Variants in CFAP299 observed in about 807,000 individuals in gnomAD.
CFAP299 encodes cilia- and flagella-associated protein 299.
CFAP299 carries 21 observed loss-of-function variants against 27.0 expected under a neutral mutation model. That is an observed-to-expected ratio of 0.78 (90% CI 0.55 to 1.12). CFAP299 has a LOEUF of 1.12. Ranked by LOEUF, CFAP299 falls within the 50% of genes most tolerant of loss-of-function variation. CFAP299 has a pLI of 0.00. For missense variants in CFAP299, 310 were observed against 276.6 expected (o/e 1.12, Z -0.86); for synonymous variants, 104 against 98.1 (o/e 1.06, Z -0.36).
At chr4:80,463,534 T>C (rs960210799) in intron 2 of CFAP299, among the ~76,000 whole-genome samples, 1 of 152,174 alleles carries the variant, frequency 6.6e-6, no homozygotes, top group Non-Finnish European at 1.5e-5. Context: ...ACAGACTTAT[T>C]TTTATACAGT....
intron 2 of CFAP299, among the ~76,000 whole-genome samples, chr4:80,460,508 G>A (rs901749034): frequency 6.6e-6 from 1 of 152,110 alleles, no homozygotes; most frequent in Non-Finnish European, 1.5e-5. Flanking sequence ...CTGAATGACA[G>A]CACCCAAAAT....
intron 3 of CFAP299, among the ~76,000 whole-genome samples, chr4:80,686,130 GAA>G (rs77144393): frequency 1.4e-5 from 2 of 147,680 alleles, no homozygotes; most frequent in African/African-American, 4.9e-5. Flanking sequence ...GAACTTTAAT[GAA>G]AAAAAAAAAT....
chr4:80,760,922 C>T (rs1440683224), intron 3 of CFAP299, among the ~76,000 whole-genome samples: 1 of 152,054 alleles, frequency 6.6e-6, no homozygotes, highest in African/African-American at 2.4e-5. Flanking sequence ...TGAAATGGCA[C>T]AGAGTGAGAG....
chr4:80,951,081 C>G (rs993502213), intron 5 of CFAP299, among the ~76,000 whole-genome samples: 3 of 152,022 alleles, frequency 2.0e-5, no homozygotes, highest in African/African-American at 7.2e-5. Flanking sequence ...TTTTAGAATT[C>G]AAAAGAAAAT....
chr4:80,439,510 C>T (rs750822957), intron 2 of CFAP299, among the ~76,000 whole-genome samples: 11 of 152,306 alleles, frequency 7.2e-5, no homozygotes, highest in African/African-American at 1.2e-4. Context: ...TGGTGCTATA[C>T]GGCCCAGATA....
At chr4:80,933,874 CAG>C (rs1397906313) in intron 4 of CFAP299, among the ~76,000 whole-genome samples, 3 of 152,070 alleles carry the variant, frequency 2.0e-5, no homozygotes, top group Non-Finnish European at 4.4e-5. Context: ...CATTTGCAAA[CAG>C]AGGCAATTTT....
chr4:80,918,219 C>T (rs948118479), intron 4 of CFAP299, among the ~76,000 whole-genome samples: 5 of 152,134 alleles, frequency 3.3e-5, no homozygotes, highest in East Asian at 1.9e-4. Flanking sequence ...GATTTCACAA[C>T]ACATCTGAAA....
chr4:80,325,592 A>C, the CFAP299 span, among the ~76,000 whole-genome samples: 1 of 152,242 alleles, frequency 6.6e-6, no homozygotes, highest in Non-Finnish European at 1.5e-5. Context: ...GACCTTTTCT[A>C]TCTCAATAAG....
chr4:80,684,897 G>A (rs1245892377), intron 3 of CFAP299, among the ~76,000 whole-genome samples: 1 of 151,844 alleles, frequency 6.6e-6, no homozygotes, highest in African/African-American at 2.4e-5. Flanking sequence ...TCAGATATAT[G>A]TGTATATTAT....
chr4:80,889,503 G>T (rs1051078460), intron 4 of CFAP299, among the ~76,000 whole-genome samples: 1 of 151,774 alleles, frequency 6.6e-6, no homozygotes, highest in Non-Finnish European at 1.5e-5. Context: ...CCAAAGAAAC[G>T]CCTGGGACCC....
intron 2 of CFAP299, among the ~76,000 whole-genome samples, chr4:80,500,925 T>G (rs971891028): frequency 6.6e-6 from 1 of 152,108 alleles, no homozygotes; most frequent in Non-Finnish European, 1.5e-5. Flanking sequence ...ATCTTGAAAG[T>G]GTTAAAAATT....
At chr4:80,517,963 G>T (rs1400197488) in intron 2 of CFAP299, among the ~76,000 whole-genome samples, 1 of 152,138 alleles carries the variant, frequency 6.6e-6, no homozygotes, top group African/African-American at 2.4e-5. Context: ...TCTAAGAATA[G>T]ATCTAAAATC....
intron 2 of CFAP299, among the ~76,000 whole-genome samples, chr4:80,393,875 A>G (rs377603832): frequency 5.3e-5 from 8 of 152,060 alleles, no homozygotes; most frequent in African/African-American, 1.7e-4. Flanking sequence ...TTTAATCCCC[A>G]TAATCCCCAC....
intron 4 of CFAP299, among the ~76,000 whole-genome samples, chr4:80,902,589 A>ACACACT (rs1734981576): frequency 7.2e-6 from 1 of 139,236 alleles, no homozygotes; most frequent in African/African-American, 2.8e-5. Flanking sequence ...TAATATATAC[A>ACACACT]CACACACACA....
intron 3 of CFAP299, among the ~76,000 whole-genome samples, chr4:80,843,846 G>A (rs1448520295): frequency 6.6e-6 from 1 of 151,854 alleles, no homozygotes. Context: ...GTGCCATGTT[G>A]GTGCGCCGCA....
the CFAP299 span, among the ~76,000 whole-genome samples, chr4:80,329,342 G>A: frequency 2.2e-4 from 34 of 151,650 alleles, no homozygotes; most frequent in Non-Finnish European, 4.4e-4. Context: ...TACCAGTTCA[G>A]GTCCTCCTTC....
intron 3 of CFAP299, among the ~76,000 whole-genome samples, chr4:80,623,667 C>T (rs1738724580): frequency 6.6e-6 from 1 of 152,140 alleles, no homozygotes; most frequent in Non-Finnish European, 1.5e-5. Flanking sequence ...CACAATGCAT[C>T]TAGAGACACC....
chr4:80,729,415 T>A (rs1723358778), intron 3 of CFAP299, among the ~76,000 whole-genome samples: 1 of 152,078 alleles, frequency 6.6e-6, no homozygotes, highest in African/African-American at 2.4e-5. Context: ...ACTTCTAACA[T>A]ATAGATTATG....
At chr4:80,364,089 A>AACACACACACACACACACACAGAC (rs1723692635) in intron 2 of CFAP299, among the ~76,000 whole-genome samples, 1 of 110,844 alleles carries the variant, frequency 9.0e-6, no homozygotes, top group East Asian at 3.1e-4. Context: ...TCCGTCTCAA[A>AACACACACACACACACACACAGAC]ACACACACAC....
Sources: gnomAD v4.1 joint callset for allele counts (sites outside exome capture counted in the v4.1 genomes callset) on GRCh38, gnomAD v4.1.1 for gene constraint, MANE v1.5 for transcripts, NCBI Gene and HGNC (gene_info 2026-07-23, HGNC 2026-07-21) for gene names.